The following MYH8 variants were observed in gnomAD, a reference collection of about 807,000 sequenced individuals.
MYH8 encodes myosin heavy chain 8, also known as myosin-8.
In MYH8, 168 loss-of-function variants were observed where a neutral mutation model predicts 233.2. That is an observed-to-expected ratio of 0.72 (90% CI 0.64 to 0.82). The LOEUF (loss-of-function observed/expected upper bound fraction) is 0.82, where lower values mean the gene tolerates loss of function less well. Among genes scored for constraint, MYH8 ranks in the 40% least tolerant of loss-of-function variants. MYH8 has a pLI of 0.00. For missense variants in MYH8, 1,995 were observed against 2,327.8 expected (o/e 0.86, Z 2.94); for synonymous variants, 785 against 850.6 (o/e 0.92, Z 1.34).
chr17:10,415,271 G>T lies in MYH8; in HGVS notation c.741+21C>A, dbSNP rs769451266. ...AGACGTGGCTACTCTGGAAGTTAGG[G>T]GTTGAGACCAAGAGACTCACAAAGC... On this transcript the variant is annotated intron_variant, in intron 8 of 39. Coordinates refer to ENST00000403437, the MANE Select transcript of MYH8 (RefSeq NM_002472.3). The surrounding 1 kb of genome is among the most constrained non-coding windows in gnomAD (Gnocchi z 4.1). 3 of 1,609,800 alleles carry T rather than the reference G, an allele frequency of 1.9e-6. No individual in the cohort carries two copies. The highest frequency in any genetic ancestry group is 2.6e-6 in the Non-Finnish European group (3 of 1,176,170).
chr17:10,415,117 T>C lies in MYH8; in HGVS notation c.804A>G (p.Thr268=). 6.2e-7 allele frequency: 1 copy of C among 1,612,102 alleles called. No homozygotes were observed. The highest frequency in any genetic ancestry group is 8.5e-7 in the Non-Finnish European group (1 of 1,178,122). ...TGKLASADIE[T]YLLEKSRVTF... ...ATTTTCAATGGTCCTGTTACTCACATGTTTCTATATCAGCAGATGCCAGCT... is the reference window on the plus strand; with the variant it reads ...ATTTTCAATGGTCCTGTTACTCACACGTTTCTATATCAGCAGATGCCAGCT... Residue 268 remains threonine, a splice_region_variant and synonymous_variant, in exon 9 of 40, where the codon ACA becomes ACG. Coordinates refer to ENST00000403437, the MANE Select transcript of MYH8 (RefSeq NM_002472.3). This position sits in a 1 kb window ranked among gnomAD's most constrained non-coding sequence, Gnocchi z 4.1.
chr17:10,401,164 T>C lies in MYH8; in HGVS notation c.3136A>G (p.Lys1046Glu). Residue 1046 changes from lysine to glutamate, a missense_variant, in exon 25 of 40, where the codon AAG (lysine) becomes GAG (glutamate). Lys to Glu is a moderately conservative substitution (Grantham distance 56). This residue lies in a region of MYH8 where 1,498 missense variants were observed against 1,680.9 expected (regional missense o/e 0.89). Transcript: ENST00000403437. ...GCTCTTTCTAGATCCATTCGAAGCT[T>C]CTTTTCTTGTTCCAGAGACCCTTCA... ...DLEGSLEQEK[K>E]LRMDLERAKR... 6.2e-7 allele frequency: 1 copy of C among 1,613,762 alleles called. No homozygotes were observed. The highest frequency in any genetic ancestry group is 8.5e-7 in the Non-Finnish European group (1 of 1,179,986).
At chr17:10,411,229 A>T (rs2072241630) in intron 14 of MYH8, among the ~76,000 whole-genome samples, 1 of 151,976 alleles carries the variant, frequency 6.6e-6, no homozygotes, top group African/African-American at 2.4e-5. Flanking sequence ...ACAAAAAATT[A>T]TCTGGGTGTG....
chr17:10,418,874 T>C lies in MYH8; in HGVS notation c.354+13A>G, dbSNP rs766275602. ...GAGAGACATGAAATAAAAAGGTGTT[T>C]ACAGACACTCACGTAGATCATCCAG... On this transcript the variant is annotated intron_variant, in intron 4 of 39. Coordinates refer to ENST00000403437, the MANE Select transcript of MYH8 (RefSeq NM_002472.3). 1 of 1,613,964 alleles carries C rather than the reference T, an allele frequency of 6.2e-7. No individual in the cohort carries two copies. Among genetic ancestry groups the C allele is most frequent in the East Asian group, 2.2e-5 (1 of 44,892 alleles).
chr17:10,411,745 T>C (rs1386705225), intron 14 of MYH8, among the ~76,000 whole-genome samples: 4 of 152,238 alleles, frequency 2.6e-5, no homozygotes, highest in African/African-American at 9.6e-5. Flanking sequence ...ATTTCTCTTC[T>C]ATTTATATCA....
chr17:10,409,960 T>G (rs1435091669), intron 15 of MYH8, among the ~76,000 whole-genome samples: 1 of 152,222 alleles, frequency 6.6e-6, no homozygotes, highest in Non-Finnish European at 1.5e-5. Context: ...AATTAAACAG[T>G]ATAAACAACC....
rs2072174016 is a variant in MYH8 at position 10,404,605 on chromosome 17, T to C, written c.2433-20A>G. On this transcript the variant is annotated intron_variant, in intron 21 of 39. Coordinates refer to ENST00000403437, the MANE Select transcript of MYH8 (RefSeq NM_002472.3). ...GCTTCTCTGCGATGACATGAAAATATCAGTGTAGACTAATCCATCAGAGCC... is the reference window on the plus strand; with the variant it reads ...GCTTCTCTGCGATGACATGAAAATACCAGTGTAGACTAATCCATCAGAGCC... 15 of 1,613,608 alleles carry C rather than the reference T, an allele frequency of 9.3e-6. No individual in the cohort carries two copies. Among genetic ancestry groups the C allele is most frequent in the African/African-American group, 5.3e-5 (4 of 74,890 alleles).
chr17:10,401,381 G>A lies in MYH8; in HGVS notation c.3002C>T (p.Ala1001Val). 1.2e-6 allele frequency: 2 copies of A among 1,614,026 alleles called. No individual in the cohort carries two copies. Residue 1001 changes from alanine to valine, a missense_variant, in exon 24 of 40, where the codon GCT becomes GTT. By Grantham distance (64) the Ala-to-Val change is moderately conservative (BLOSUM62 0). Around this residue, in one of 3 missense-constraint regions of MYH8, gnomAD observed 1,498 missense variants for 1,680.9 expected, o/e 0.89. Coordinates refer to ENST00000403437, the MANE Select transcript of MYH8 (RefSeq NM_002472.3). Reference sequence around the variant, plus strand: ...GGTCTGCTGGTGGGTCTCTTGGAGAGCCTTCTTCTCCTTGGACAGTTTTGC... The same window carrying A: ...GGTCTGCTGGTGGGTCTCTTGGAGAACCTTCTTCTCCTTGGACAGTTTTGC... ...TIAKLSKEKK[A>V]LQETHQQTLD...
chr17:10,393,439 G>A (rs1181436620), intron 35 of MYH8, among the ~76,000 whole-genome samples: 1 of 152,172 alleles, frequency 6.6e-6, no homozygotes, highest in African/African-American at 2.4e-5. Flanking sequence ...GTTTGAGAAT[G>A]CCTTTATTGG....
At chr17:10,393,295 AG>A in intron 35 of MYH8, 85 bp from the exon 36 acceptor site, 1 of 1,530,422 alleles carries the variant, frequency 6.5e-7, no homozygotes, top group Admixed American at 1.7e-5. Flanking sequence ...TGGTTCGTGC[AG>A]GGGATCTGCT....
intron 30 of MYH8, among the ~76,000 whole-genome samples, 167 bp from the exon 31 acceptor site, chr17:10,397,153 G>A (rs1597397904): frequency 2.6e-5 from 4 of 152,216 alleles, no homozygotes; most frequent in South Asian, 4.1e-4. Context: ...GTGCAATCTC[G>A]GTCACTGCGA....
Position 10,420,153 on chromosome 17 carries a change from C to G in MYH8, c.75G>C (p.Glu25Asp). Reference sequence around the variant, plus strand: ...ACGGCTTGTTTTGGGCCTCAATCCGCTCCTTTTCTGATTTTCGAAGGTAGG... The same window carrying G: ...ACGGCTTGTTTTGGGCCTCAATCCGGTCCTTTTCTGATTTTCGAAGGTAGG... ...AAPYLRKSEK[E>D]RIEAQNKPFD... The change falls in exon 3 of 40, where the codon GAG becomes GAC. Residue 25 changes from glutamate to aspartate, a missense_variant. By Grantham distance (45) the Glu-to-Asp change is conservative. Around this residue, in one of 3 missense-constraint regions of MYH8, gnomAD observed 479 missense variants for 600.9 expected, o/e 0.80. Coordinates refer to ENST00000403437, the MANE Select transcript of MYH8 (RefSeq NM_002472.3). The G allele has an allele frequency of 6.2e-7, 1 of 1,614,208 alleles. No individual in the cohort carries two copies. The highest frequency in any genetic ancestry group is 8.5e-7 in the Non-Finnish European group (1 of 1,180,048).
intron 5 of MYH8, among the ~76,000 whole-genome samples, chr17:10,418,016 C>T (rs2072303202): frequency 6.6e-6 from 1 of 152,176 alleles, no homozygotes; most frequent in Non-Finnish European, 1.5e-5. Flanking sequence ...GCCTATAATG[C>T]GTATCAAAGC....
At position 10,395,187 on chromosome 17, in the gene MYH8, A is replaced by T. The variant is rs764824437; in HGVS notation, c.4908T>A (p.Asn1636Lys). ...TCCTTAAACTCTCTGCAGCTAAGCGATTGGCATGGTTCAGCTGGATTTCCA... is the reference window on the plus strand; with the variant it reads ...TCCTTAAACTCTCTGCAGCTAAGCGTTTGGCATGGTTCAGCTGGATTTCCA... ...NEMEIQLNHA[N>K]RLAAESLRNY... is the part of the protein sequence containing the mutation. The change falls in exon 34 of 40, where the codon AAT becomes AAA. Residue 1636 changes from asparagine to lysine, a missense_variant. Asn to Lys is a moderately conservative substitution (Grantham distance 94). Coordinates refer to ENST00000403437, the MANE Select transcript of MYH8 (RefSeq NM_002472.3). The T allele has an allele frequency of 6.2e-7, 1 of 1,614,044 alleles. No homozygotes were observed. Among genetic ancestry groups the T allele is most frequent in the South Asian group, 1.1e-5 (1 of 91,084 alleles).
rs1306236434 is a variant in MYH8, at chr17:10,401,347, G to A, written c.3036C>T (p.Asp1012=). The A allele has an allele frequency of 1.2e-6, 2 of 1,614,088 alleles. No homozygotes were observed. Among genetic ancestry groups the A allele is most frequent in the Admixed American group, 1.7e-5 (1 of 60,008 alleles). ...LQETHQQTLD[D]LQAEEDKVNI... ...TGACTTTGTCCTCCTCTGCCTGCAG[G>A]TCATCCAGGGTCTGCTGGTGGGTCT... The change falls in exon 24 of 40, where the codon GAC becomes GAT. Residue 1012 remains aspartate, a synonymous_variant. Coordinates refer to ENST00000403437, the MANE Select transcript of MYH8 (RefSeq NM_002472.3).
chr17:10,396,490 A>G lies in MYH8; in HGVS notation c.4529-36T>C. The G allele has an allele frequency of 6.2e-7, 1 of 1,614,070 alleles. No homozygotes were observed. Among genetic ancestry groups the G allele is most frequent in the Non-Finnish European group, 8.5e-7 (1 of 1,179,982 alleles). On this transcript the variant is annotated intron_variant, in intron 32 of 39. Coordinates refer to ENST00000403437, the MANE Select transcript of MYH8 (RefSeq NM_002472.3). The surrounding 1 kb of genome is among the most constrained non-coding windows in gnomAD (Gnocchi z 4.2). Reference sequence around the variant, plus strand: ...ACAGACAGGAGAGAAATGGTCAGAAAGATGGCAACATGGAAAGGTCCTCCC... The same window carrying G: ...ACAGACAGGAGAGAAATGGTCAGAAGGATGGCAACATGGAAAGGTCCTCCC...
Position 10,392,740 on chromosome 17 carries a change from AGGACAGGAT to A in MYH8, c.5463+82_5463+90del, listed in dbSNP as rs1466140715. On this transcript the variant is annotated intron_variant, in intron 37 of 39. Coordinates refer to ENST00000403437, the MANE Select transcript of MYH8 (RefSeq NM_002472.3). ...GCATGGGGTGGGTGTTCCCAGCCCC[AGGACAGGAT>A]GGGAGTCTTGTGTAGGAAGAGAGAA... The A allele has an allele frequency of 5.6e-6, 9 of 1,613,232 alleles. No individual in the cohort carries two copies. The East Asian group carries it at 1.8e-4, about 32-fold the overall frequency.
At chr17:10,410,313 T>G (rs919780291) in intron 15 of MYH8, among the ~76,000 whole-genome samples, 1 of 152,126 alleles carries the variant, frequency 6.6e-6, no homozygotes, top group African/African-American at 2.4e-5. Flanking sequence ...AATAAATAAA[T>G]AAATAAATAA....
Position 10,400,324 on chromosome 17 carries a change from T to C in MYH8, c.3735+66A>G. ...GCTGTAAAATGCCTGCAAACAATGT[T>C]TAGTGATAGAGAATAATGGGTGTTC... On this transcript the variant is annotated intron_variant, in intron 27 of 39. Transcript: ENST00000403437. This position sits in a 1 kb window ranked among gnomAD's most constrained non-coding sequence, Gnocchi z 4.0. 6.3e-7 allele frequency: 1 copy of C among 1,584,032 alleles called. No individual in the cohort carries two copies. The highest frequency in any genetic ancestry group is 8.6e-7 in the Non-Finnish European group (1 of 1,162,048).
Sources: allele counts gnomAD v4.1 joint callset (sites outside exome capture counted in the v4.1 genomes callset), GRCh38; gene constraint gnomAD v4.1.1; regional missense constraint gnomAD v4.1.1; non-coding constraint Gnocchi (gnomAD v3.1); transcripts MANE v1.5; gene names NCBI Gene and HGNC (gene_info 2026-07-23, HGNC 2026-07-21).